PKNOX2: variants seen among roughly 807,000 people sequenced by gnomAD.
PKNOX2 encodes homeobox protein PKNOX2.
A neutral mutation model predicts 53.1 loss-of-function variants in PKNOX2; 14 were observed. The observed-to-expected ratio is 0.26, with a 90% CI of 0.17 to 0.41. The LOEUF is 0.41. PKNOX2 is among the 10% of genes least tolerant of loss of function. The probability of loss-of-function intolerance (pLI) is 1.00; values close to 1 mark genes in which losing one functional copy is unlikely to be tolerated. For missense variants in PKNOX2, 496 were observed against 602.8 expected (o/e 0.82, Z 1.85); for synonymous variants, 257 against 242.8 (o/e 1.06, Z -0.54).
intron 7 of PKNOX2, among the ~76,000 whole-genome samples, chr11:125,401,840 C>G (rs968641851): frequency 6.6e-6 from 1 of 152,058 alleles, no homozygotes. Context: ...CACCCTTAAT[C>G]CCCCCGGCCT....
At position 125,166,779 on chromosome 11, in the gene PKNOX2, G is replaced by C. The variant is rs539546593; in HGVS notation, c.-201+2003G>C. Among the ~76,000 whole-genome samples the C allele has an allele frequency of 3.9e-5, 6 of 152,218 alleles. No individual in the cohort carries two copies. The East Asian group carries it at 7.7e-4, about 20-fold the overall frequency. On this transcript the variant is annotated intron_variant, in intron 1 of 12. Coordinates refer to ENST00000298282, the MANE Select transcript of PKNOX2 (RefSeq NM_001382323.2). The surrounding 1 kb of genome is among the most constrained non-coding windows in gnomAD (Gnocchi z 4.0). ...CACAAACCCGGCCTTTGGTGCGCCC[G>C]GGGGAGGAGGAAGCTTGGAGTGCCC...
At chr11:125,289,714 C>A (rs7112426) in intron 2 of PKNOX2, among the ~76,000 whole-genome samples, 120,509 of 151,980 alleles carry the variant, frequency 0.79, 48,785 homozygotes, top group African/African-American at 0.95. Context: ...GCAGGGGTAT[C>A]GTCCAGCCAG....
At chr11:125,184,633 T>C (rs1407729469) in intron 1 of PKNOX2, among the ~76,000 whole-genome samples, 1 of 152,178 alleles carries the variant, frequency 6.6e-6, no homozygotes. Flanking sequence ...AGTGCTGGGC[T>C]CCTTGCTGGG....
At chr11:125,313,168 G>A (rs1418676649) in intron 2 of PKNOX2, among the ~76,000 whole-genome samples, 2 of 152,170 alleles carry the variant, frequency 1.3e-5, no homozygotes, top group African/African-American at 4.8e-5. Flanking sequence ...AGGGGAAAGA[G>A]AAGTCGAGGG....
chr11:125,178,238 G>T (rs1395737206), intron 1 of PKNOX2, among the ~76,000 whole-genome samples: 5 of 152,064 alleles, frequency 3.3e-5, no homozygotes, highest in Non-Finnish European at 5.9e-5. Flanking sequence ...CCCAGGGCAC[G>T]TGGTGGCTTA....
chr11:125,398,163 G>T, intron 7 of PKNOX2, 101 bp downstream of exon 7: 1 of 1,266,760 alleles, frequency 7.9e-7, no homozygotes, highest in Non-Finnish European at 1.1e-6. Context: ...CACTGGGTTA[G>T]ACCCACTGGG....
At chr11:125,207,289 T>C (rs1939248124) in intron 1 of PKNOX2, among the ~76,000 whole-genome samples, 1 of 152,158 alleles carries the variant, frequency 6.6e-6, no homozygotes, top group South Asian at 2.1e-4. Flanking sequence ...CTTTTCATCT[T>C]GAGTTCCAAC....
chr11:125,351,453 C>T, intron 4 of PKNOX2, 61 bp downstream of exon 4: 1 of 1,107,938 alleles, frequency 9.0e-7, no homozygotes, highest in South Asian at 1.3e-5. Context: ...GCCTTAGAGC[C>T]CCAGCTGCAG....
At chr11:125,195,474 G>T (rs993940033) in intron 1 of PKNOX2, among the ~76,000 whole-genome samples, 3 of 152,164 alleles carry the variant, frequency 2.0e-5, no homozygotes, top group Admixed American at 2.0e-4. Context: ...TCGGCAGTGA[G>T]TGGGGAGGCG....
At chr11:125,316,636 G>A (rs1427144144) in intron 2 of PKNOX2, among the ~76,000 whole-genome samples, 8 of 152,212 alleles carry the variant, frequency 5.3e-5, no homozygotes, top group Non-Finnish European at 1.2e-4. Context: ...TCTATTAAGT[G>A]TGGAATAGCA....
chr11:125,309,076 C>T (rs1331579220), intron 2 of PKNOX2, among the ~76,000 whole-genome samples: 1 of 151,966 alleles, frequency 6.6e-6, no homozygotes, highest in African/African-American at 2.4e-5. Context: ...TTCATCTGGA[C>T]ACCAGTCTGC....
At chr11:125,224,976 G>T (rs1041453850) in intron 1 of PKNOX2, among the ~76,000 whole-genome samples, 1 of 152,236 alleles carries the variant, frequency 6.6e-6, no homozygotes, top group African/African-American at 2.4e-5. Context: ...CCAGGGTCTG[G>T]GTGCTGGGTG....
intron 2 of PKNOX2, among the ~76,000 whole-genome samples, chr11:125,248,977 T>G (rs1191710402): frequency 6.9e-6 from 1 of 145,416 alleles, no homozygotes; most frequent in Non-Finnish European, 1.5e-5. Flanking sequence ...TATATACATA[T>G]AATATATGTA....
intron 2 of PKNOX2, among the ~76,000 whole-genome samples, chr11:125,307,065 T>G (rs1008389300): frequency 1.3e-5 from 2 of 152,208 alleles, no homozygotes; most frequent in African/African-American, 4.8e-5. Context: ...TTTTGCTATT[T>G]GTTTTTCGTT....
In PKNOX2 at chr11:125,397,789, C is replaced by A. The variant is rs184718779; in HGVS notation, c.400-85C>A. 4.9e-5 allele frequency: 69 copies of A among 1,419,608 alleles called. No individual in the cohort carries two copies. The African/African-American group carries it at 9.3e-4, about 19-fold the overall frequency. 87.9% of individuals were successfully genotyped at this position (1,419,608 alleles called of 1,614,324 possible). On this transcript the variant is annotated intron_variant, in intron 6 of 12. Transcript: ENST00000298282. Reference sequence around the variant, plus strand: ...CTACGGCAGGGGGTGGGCTCCCCTCCCCTGGGGTGGTGGGGGCTGGGGGTC... The same window carrying A: ...CTACGGCAGGGGGTGGGCTCCCCTCACCTGGGGTGGTGGGGGCTGGGGGTC...
intron 1 of PKNOX2, among the ~76,000 whole-genome samples, chr11:125,231,420 G>C (rs1373128453): frequency 1.3e-5 from 2 of 152,188 alleles, no homozygotes; most frequent in Non-Finnish European, 2.9e-5. Context: ...CTACAAATGT[G>C]AATCGCCAAT....
intron 2 of PKNOX2, among the ~76,000 whole-genome samples, chr11:125,292,739 A>G (rs1388288850): frequency 2.4e-4 from 36 of 152,158 alleles, no homozygotes; most frequent in Non-Finnish European, 5.9e-5. Context: ...GGAACGTTGT[A>G]GTCCTAGAGA....
chr11:125,406,199 A>T (rs1955086356), intron 7 of PKNOX2, among the ~76,000 whole-genome samples: 1 of 152,186 alleles, frequency 6.6e-6, no homozygotes, highest in Admixed American at 6.5e-5. Flanking sequence ...CGGGGTTTCC[A>T]CCGCTGCTCT....
chr11:125,403,120 G>A (rs1470175187), intron 7 of PKNOX2, among the ~76,000 whole-genome samples: 3 of 152,134 alleles, frequency 2.0e-5, no homozygotes, highest in Non-Finnish European at 2.9e-5. Flanking sequence ...AGAGGAGATG[G>A]GGTGAAGGGG....
Sources: allele counts gnomAD v4.1 joint callset (sites outside exome capture counted in the v4.1 genomes callset), GRCh38; gene constraint gnomAD v4.1.1; non-coding constraint Gnocchi (gnomAD v3.1); transcripts MANE v1.5; gene names NCBI Gene and HGNC (gene_info 2026-07-23, HGNC 2026-07-21).